Variants in CAST observed in about 807,000 individuals in gnomAD.
CAST encodes the protein calpastatin.
Under a neutral mutation model 119.6 loss-of-function variants are expected in CAST, and 76 were observed. The observed-to-expected ratio is 0.64, with a 90% CI of 0.53 to 0.77. The LOEUF is 0.77. CAST is among the 30% of genes least tolerant of loss of function. CAST has a pLI of 0.00. For missense variants in CAST, 953 were observed against 946.5 expected, an observed-to-expected ratio of 1.01 and a Z score of -0.09; for synonymous variants, 319 against 331.6, an observed-to-expected ratio of 0.96 and a Z score of 0.41.
chr5:96,660,660 T>C (rs960438865), upstream of CAST, among the ~76,000 whole-genome samples: 5 of 152,106 alleles, frequency 3.3e-5, no homozygotes, highest in African/African-American at 4.8e-5. Context: ...ATCATTCTAG[T>C]TCCTGGGGTG....
chr5:95,981,047 G>A, the CAST span, among the ~76,000 whole-genome samples: 3 of 152,276 alleles, frequency 2.0e-5, no homozygotes, highest in African/African-American at 7.2e-5. Flanking sequence ...GGTGAGGACA[G>A]GCTGGAAAAG....
the CAST span, among the ~76,000 whole-genome samples, chr5:96,275,631 T>C: frequency 4.6e-5 from 7 of 152,284 alleles, no homozygotes; most frequent in East Asian, 1.3e-3. Context: ...ATAGCACATC[T>C]GCTCAAGATA....
At chr5:96,754,012 A>G (rs750844281) in intron 20 of CAST, 48 bp from the exon 21 acceptor site, 2 of 1,050,394 alleles carry the variant, frequency 1.9e-6, no homozygotes, top group Non-Finnish European at 3.0e-6. Context: ...TATGTTTTAA[A>G]GGGAGTGATT....
chr5:96,526,915 G>C (rs553363334), upstream of CAST, among the ~76,000 whole-genome samples: 8 of 152,280 alleles, frequency 5.3e-5, no homozygotes, highest in East Asian at 1.4e-3. Context: ...AGAGCAGCAG[G>C]AGAAGGAGAA....
At chr5:96,702,861 A>G in intron 3 of CAST, 1 of 985,516 alleles carries the variant, frequency 1.0e-6, no homozygotes, top group Non-Finnish European at 1.2e-6. Context: ...CCAGCTAGGA[A>G]TGCAGACCTC....
chr5:95,961,835 A>C, the CAST span: 1 of 1,362,242 alleles, frequency 7.3e-7, no homozygotes, highest in Non-Finnish European at 9.7e-7. Flanking sequence ...CCCGCTGCTG[A>C]CGTACTGTCA....
chr5:96,393,891 G>A, the CAST span, among the ~76,000 whole-genome samples: 1 of 152,220 alleles, frequency 6.6e-6, no homozygotes, highest in Non-Finnish European at 1.5e-5. Flanking sequence ...AGGCTGGGGA[G>A]GAGGGAGCTG....
chr5:96,696,726 C>T (rs143975142), intron 3 of CAST, among the ~76,000 whole-genome samples: 6,136 of 142,608 alleles, frequency 0.043, 176 homozygotes, highest in Middle Eastern at 0.099. Context: ...CTTGGTGATG[C>T]GTGCCTATAG....
chr5:96,566,148 G>T (rs1746465078), intron 1 of CAST, among the ~76,000 whole-genome samples: 1 of 152,160 alleles, frequency 6.6e-6, no homozygotes, highest in Non-Finnish European at 1.5e-5. Context: ...TCTTCAGTGG[G>T]AATGACAGAG....
intron 1 of CAST, among the ~76,000 whole-genome samples, chr5:96,664,157 T>C (rs889350357): frequency 2.2e-4 from 33 of 152,124 alleles, no homozygotes; most frequent in African/African-American, 7.0e-4. Flanking sequence ...TATCAGACAA[T>C]GGACATTTAT....
At chr5:96,141,620 T>A in the CAST span, among the ~76,000 whole-genome samples, 1 of 152,244 alleles carries the variant, frequency 6.6e-6, no homozygotes, top group East Asian at 1.9e-4. Flanking sequence ...ACAGGTTTGA[T>A]CTTACTAAAG....
chr5:96,234,779 T>C, the CAST span, among the ~76,000 whole-genome samples: 1 of 152,202 alleles, frequency 6.6e-6, no homozygotes, highest in Admixed American at 6.5e-5. Context: ...TGGCCAGAAA[T>C]GTATTACAAC....
chr5:96,390,034 T>C, the CAST span, among the ~76,000 whole-genome samples: 2 of 152,224 alleles, frequency 1.3e-5, no homozygotes, highest in Non-Finnish European at 1.5e-5. Context: ...AACTAAGTCC[T>C]ATTTGGTGAA....
chr5:96,108,310 G>A, the CAST span, among the ~76,000 whole-genome samples: 1 of 152,208 alleles, frequency 6.6e-6, no homozygotes, highest in Non-Finnish European at 1.5e-5. Flanking sequence ...CTGCTTTTTA[G>A]AGTTTCCAGT....
At chr5:96,386,703 G>A in the CAST span, among the ~76,000 whole-genome samples, 17 of 152,272 alleles carry the variant, frequency 1.1e-4, no homozygotes, top group South Asian at 2.7e-3. Context: ...GGTGGCTCAC[G>A]CCTATAATTC....
chr5:96,618,151 AGAG>A (rs760097514), intron 1 of CAST, among the ~76,000 whole-genome samples: 3 of 152,212 alleles, frequency 2.0e-5, no homozygotes, highest in South Asian at 2.1e-4. Flanking sequence ...CCACTTGCAG[AGAG>A]GAGAACAGAT....
the CAST span, among the ~76,000 whole-genome samples, chr5:96,048,958 C>T: frequency 1.4e-4 from 21 of 152,228 alleles, no homozygotes; most frequent in African/African-American, 4.1e-4. Flanking sequence ...GGAGATACAG[C>T]GTGTGGGGCT....
the CAST span, among the ~76,000 whole-genome samples, chr5:96,466,751 T>C: frequency 6.6e-6 from 1 of 152,160 alleles, no homozygotes; most frequent in Non-Finnish European, 1.5e-5. Flanking sequence ...CCAACTACTC[T>C]TCTTTATGTA....
chr5:96,625,755 G>A (rs976934019), intron 1 of CAST, among the ~76,000 whole-genome samples: 1 of 152,230 alleles, frequency 6.6e-6, no homozygotes, highest in African/African-American at 2.4e-5. Flanking sequence ...GACAGCCCCG[G>A]TTGCAGCTTC....
Sources: gnomAD v4.1 joint callset for allele counts (sites outside exome capture counted in the v4.1 genomes callset) on GRCh38, gnomAD v4.1.1 for gene constraint, MANE v1.5 for transcripts, NCBI Gene and HGNC (gene_info 2026-07-23, HGNC 2026-07-21) for gene names.